Variants in FMN2 observed in about 807,000 individuals in gnomAD.
The protein encoded by FMN2 is formin 2.
Under a neutral mutation model 142.3 loss-of-function variants are expected in FMN2, and 51 were observed. The ratio of observed to expected loss-of-function variants is 0.36; its 90% CI spans 0.29 to 0.45. The LOEUF (loss-of-function observed/expected upper bound fraction) is 0.45, where lower values mean the gene tolerates loss of function less well. FMN2 is among the 20% of genes least tolerant of loss of function. The pLI, the probability that FMN2 is intolerant of heterozygous loss-of-function variation, is 1.00. For missense variants in FMN2, 1,936 were observed against 2,122.8 expected (o/e 0.91, Z 1.73); for synonymous variants, 882 against 869.8 (o/e 1.01, Z -0.25).
At chr1:240,413,120 C>CAAAAAAAAAAAA (rs35590068) in intron 15 of FMN2, among the ~76,000 whole-genome samples, 13 of 24,580 alleles carry the variant, frequency 5.3e-4, no homozygotes, top group Non-Finnish European at 9.3e-4. Flanking sequence ...GAGACTCTGT[C>CAAAAAAAAAAAA]AAAAAAAAAA....
At chr1:240,386,154 C>A (rs1350616784) in intron 14 of FMN2, among the ~76,000 whole-genome samples, 1 of 152,066 alleles carries the variant, frequency 6.6e-6, no homozygotes, top group Non-Finnish European at 1.5e-5. Flanking sequence ...CTTAAATTTA[C>A]CTGACTTTTA....
intron 15 of FMN2, among the ~76,000 whole-genome samples, chr1:240,396,088 ATTG>A (rs1178443072): frequency 2.0e-5 from 3 of 152,212 alleles, no homozygotes; most frequent in Non-Finnish European, 4.4e-5. Flanking sequence ...GACTCAGATA[ATTG>A]TTAACACTTT....
chr1:240,113,297 T>C (rs577679769), intron 1 of FMN2, among the ~76,000 whole-genome samples: 2 of 151,960 alleles, frequency 1.3e-5, no homozygotes, highest in South Asian at 4.2e-4. Context: ...GGCACGGTGG[T>C]GCGCACCTGT....
chr1:240,336,582 A>AAAAAAAAGGGGG (rs144682452), intron 13 of FMN2, among the ~76,000 whole-genome samples: 1 of 101,842 alleles, frequency 9.8e-6, no homozygotes, highest in African/African-American at 3.3e-5. Context: ...AAAAAAAAAA[A>AAAAAAAAGGGGG]GGTGGTTGCA....
At chr1:240,202,798 TATA>T (rs1010195524) in intron 4 of FMN2, among the ~76,000 whole-genome samples, 28 of 152,328 alleles carry the variant, frequency 1.8e-4, no homozygotes, top group African/African-American at 6.3e-4. Context: ...TATGTGTTTA[TATA>T]ATAATATCCT....
intron 1 of FMN2, among the ~76,000 whole-genome samples, chr1:240,101,266 G>T (rs1397219632): frequency 6.6e-6 from 1 of 152,134 alleles, no homozygotes; most frequent in Non-Finnish European, 1.5e-5. Flanking sequence ...TAGATATGGT[G>T]ATTCCAGCAG....
At chr1:240,301,457 TTTG>T (rs1435395270) in intron 8 of FMN2, among the ~76,000 whole-genome samples, 2 of 151,930 alleles carry the variant, frequency 1.3e-5, no homozygotes, top group African/African-American at 4.8e-5. Context: ...AAGCTCTTCC[TTTG>T]TTAAGACCAA....
intron 11 of FMN2, among the ~76,000 whole-genome samples, chr1:240,331,089 G>A (rs779366822): frequency 2.6e-5 from 4 of 151,756 alleles, no homozygotes; most frequent in Non-Finnish European, 5.9e-5. Flanking sequence ...TTTGGAATCT[G>A]AAGGCTAATT....
chr1:240,283,986 C>T (rs1467679206), intron 7 of FMN2, among the ~76,000 whole-genome samples: 1 of 152,044 alleles, frequency 6.6e-6, no homozygotes. Context: ...TTCCTCTTTC[C>T]TCCTTCGTCT....
intron 1 of FMN2, among the ~76,000 whole-genome samples, chr1:240,095,705 C>T (rs1661173882): frequency 6.6e-6 from 1 of 151,926 alleles, no homozygotes; most frequent in Non-Finnish European, 1.5e-5. Flanking sequence ...TGGAAGATCA[C>T]AAGACCCTAA....
intron 8 of FMN2, among the ~76,000 whole-genome samples, chr1:240,300,031 A>T (rs185427700): frequency 1.8e-4 from 28 of 152,306 alleles, no homozygotes; most frequent in African/African-American, 6.7e-4. Flanking sequence ...TAATAGCTAG[A>T]TTAAAATAGG....
chr1:240,268,802 G>A (rs1045444758), intron 7 of FMN2, among the ~76,000 whole-genome samples: 3 of 151,990 alleles, frequency 2.0e-5, no homozygotes, highest in African/African-American at 7.2e-5. Context: ...GATTAGTGAT[G>A]TAGAGCATTT....
rs1333094360 is a variant in FMN2 at position 240,290,780 on chromosome 1, G to GTTTTTTGTT, written c.4154-4036_4154-4035insGTTTTTTTT. Among the ~76,000 whole-genome samples the GTTTTTTGTT allele has an allele frequency of 2.5e-3, 250 of 100,076 alleles. 4 individuals are homozygous for GTTTTTTGTT. Among genetic ancestry groups the GTTTTTTGTT allele is most frequent in the South Asian group, 4.9e-3 (15 of 3,088 alleles). The allele number at this position is 100,076 out of a possible 152,430, so 65.7% of individuals were successfully genotyped here. The stretch of plus-strand genomic sequence containing the variant: ...GTCTGGAGTGATGTCTGTTTGTTTG[G>GTTTTTTGTT]TTTTTTTTTTTTGTTTTTTTTTTTT... On this transcript the variant is annotated intron_variant, in intron 7 of 17. Transcript: ENST00000319653.
At chr1:240,118,746 G>A (rs1662120110) in intron 1 of FMN2, among the ~76,000 whole-genome samples, 1 of 152,168 alleles carries the variant, frequency 6.6e-6, no homozygotes, top group Non-Finnish European at 1.5e-5. Flanking sequence ...ATCCTCCTGA[G>A]CAATGGTTTG....
intron 7 of FMN2, among the ~76,000 whole-genome samples, chr1:240,262,635 G>A (rs993020396): frequency 6.6e-6 from 1 of 151,970 alleles, no homozygotes; most frequent in Non-Finnish European, 1.5e-5. Context: ...AATTCCATAA[G>A]CTTCAGCTTT....
chr1:240,454,742 G>A (rs926918954), intron 16 of FMN2, among the ~76,000 whole-genome samples: 36 of 152,276 alleles, frequency 2.4e-4, no homozygotes, highest in African/African-American at 7.5e-4. Context: ...TAGGGATAGA[G>A]AAGGGGCTGG....
intron 15 of FMN2, among the ~76,000 whole-genome samples, chr1:240,392,974 A>G (rs953931876): frequency 5.8e-5 from 7 of 120,732 alleles, no homozygotes; most frequent in African/African-American, 2.0e-4. Context: ...GAGACTTGCA[A>G]TTATGGGTAA....
chr1:240,139,624 T>C (rs1406064565), intron 2 of FMN2, among the ~76,000 whole-genome samples: 2 of 152,234 alleles, frequency 1.3e-5, no homozygotes, highest in African/African-American at 4.8e-5. Context: ...ATATTCAGTG[T>C]TGCCAAGAAA....
chr1:240,138,829 A>G (rs934246607), intron 2 of FMN2, among the ~76,000 whole-genome samples: 1 of 152,214 alleles, frequency 6.6e-6, no homozygotes, highest in African/African-American at 2.4e-5. Flanking sequence ...CAAATCATAC[A>G]TCTTAATTTT....
Sources: allele counts gnomAD v4.1 joint callset (sites outside exome capture counted in the v4.1 genomes callset), GRCh38; gene constraint gnomAD v4.1.1; transcripts MANE v1.5; gene names NCBI Gene and HGNC (gene_info 2026-07-23, HGNC 2026-07-21).